Variants in UGT1A8 observed in about 807,000 individuals in gnomAD.
The protein encoded by UGT1A8 is UDP-glucuronosyltransferase 1A8.
Under a neutral mutation model 45.3 loss-of-function variants are expected in UGT1A8, and 39 were observed. The ratio of observed to expected loss-of-function variants is 0.86; its 90% CI spans 0.67 to 1.12. The LOEUF (loss-of-function observed/expected upper bound fraction) is 1.12. Among genes scored for constraint, UGT1A8 ranks in the 50% most tolerant of loss-of-function variants. UGT1A8 has a pLI of 0.00. For synonymous variants in UGT1A8, 275 were observed against 249.2 expected (o/e 1.10, Z -0.97); for missense variants, 719 against 664.9 (o/e 1.08, Z -0.90).
intron 1 of UGT1A8, among the ~76,000 whole-genome samples, chr2:233,765,129 C>T (rs936294408): frequency 1.3e-5 from 2 of 152,146 alleles, no homozygotes; most frequent in African/African-American, 2.4e-5. Flanking sequence ...CAGGTTTTAG[C>T]ACTGAACATC....
intron 1 of UGT1A8, among the ~76,000 whole-genome samples, chr2:233,757,257 G>C (rs1486497078): frequency 6.8e-6 from 1 of 147,916 alleles, no homozygotes; most frequent in Non-Finnish European, 1.5e-5. Flanking sequence ...GGTTATTCAG[G>C]TGGCAGCCGA....
chr2:233,723,051 G>C (rs1327620442), intron 1 of UGT1A8, among the ~76,000 whole-genome samples: 1 of 141,468 alleles, frequency 7.1e-6, no homozygotes, highest in African/African-American at 2.7e-5. Flanking sequence ...GGCACACTCG[G>C]TGTAACTTTA....
intron 1 of UGT1A8, chr2:233,755,162 G>C: frequency 2.3e-6 from 3 of 1,279,936 alleles, no homozygotes; most frequent in Non-Finnish European, 3.2e-6. Context: ...CCCTGTCCTC[G>C]GGGTTTTTGT....
intron 1 of UGT1A8, chr2:233,682,618 C>G (rs1215950110): frequency 2.5e-6 from 4 of 1,613,770 alleles, no homozygotes; most frequent in Non-Finnish European, 3.4e-6. Flanking sequence ...TCAAAAATGT[C>G]TTAGAAATAG....
At position 233,772,370 on chromosome 2, in the gene UGT1A8, G is replaced by A. The variant is rs587784537; in HGVS notation, c.1404G>A (p.Ala468=). The A allele has an allele frequency of 2.5e-6, 4 of 1,614,248 alleles. No homozygotes were observed. The highest frequency in any genetic ancestry group is 1.6e-4 in the Middle Eastern group (1 of 6,062). ...WVEFVMRHKG[A]PHLRPAAHDL... The stretch of plus-strand genomic sequence containing the variant: ...AGTTTGTGATGAGGCACAAGGGCGC[G>A]CCACACCTGCGCCCCGCAGCCCACG... Residue 468 remains alanine, a synonymous_variant, in exon 5 of 5, where the codon GCG becomes GCA. Transcript: ENST00000373450.
intron 1 of UGT1A8, among the ~76,000 whole-genome samples, chr2:233,748,701 G>A (rs1009365045): frequency 6.6e-6 from 1 of 151,652 alleles, no homozygotes; most frequent in Non-Finnish European, 1.5e-5. Context: ...TTCTGGTCAG[G>A]ATTTGGGGTC....
rs547148364 is a variant in UGT1A8 at position 233,757,849 on chromosome 2, T to G, written c.856-9185T>G. 5.3e-5 allele frequency among the ~76,000 whole-genome samples: 8 copies of G among 152,118 alleles called. No individual in the cohort carries two copies. The East Asian group carries it at 1.5e-3, about 29-fold the overall frequency. On this transcript the variant is annotated intron_variant, in intron 1 of 4. Coordinates refer to ENST00000373450, the MANE Select transcript of UGT1A8 (RefSeq NM_019076.5). The stretch of plus-strand genomic sequence containing the variant: ...TGATGGTGGCCTACTAACTTATGTC[T>G]TCAGCTTAAAAAGAAAGTAGCTTCA...
At chr2:233,636,770 T>C (rs1296906229) in intron 1 of UGT1A8, 2 of 1,614,070 alleles carry the variant, frequency 1.2e-6, no homozygotes, top group East Asian at 2.2e-5. Flanking sequence ...TCGTACACTC[T>C]GGAAGATCAG....
At chr2:233,647,275 A>G (rs2073630233) in intron 1 of UGT1A8, among the ~76,000 whole-genome samples, 1 of 152,198 alleles carries the variant, frequency 6.6e-6, no homozygotes, top group South Asian at 2.1e-4. Context: ...AAACCATATC[A>G]TTATTGAATT....
chr2:233,636,607 C>T (rs753907291), intron 1 of UGT1A8: 2 of 1,614,100 alleles, frequency 1.2e-6, no homozygotes, highest in Admixed American at 3.3e-5. Context: ...AGGGAAGCTG[C>T]TGGTAGTGCC....
chr2:233,632,894 A>G lies in UGT1A8; in HGVS notation c.855+14332A>G, dbSNP rs903774611. On this transcript the variant is annotated intron_variant, in intron 1 of 4. Transcript: ENST00000373450. Reference sequence around the variant, plus strand: ...TTGAATAGGAGTGGTGAGAGAGGGCATCCTTATCTTGTGCCAGTTTTCAAA... The same window carrying G: ...TTGAATAGGAGTGGTGAGAGAGGGCGTCCTTATCTTGTGCCAGTTTTCAAA... Among the ~76,000 whole-genome samples, 4 of 152,334 alleles carry G rather than the reference A, an allele frequency of 2.6e-5. No individual in the cohort carries two copies. In the South Asian group the frequency reaches 6.2e-4, roughly 24 times the overall value.
intron 1 of UGT1A8, among the ~76,000 whole-genome samples, chr2:233,694,733 T>G (rs1314036348): frequency 1.3e-5 from 2 of 152,174 alleles, no homozygotes; most frequent in African/African-American, 4.8e-5. Flanking sequence ...TGTTAACAAT[T>G]TGAACAGTTG....
intron 1 of UGT1A8, among the ~76,000 whole-genome samples, chr2:233,647,358 C>T (rs2073632033): frequency 1.3e-5 from 2 of 152,160 alleles, no homozygotes; most frequent in South Asian, 4.1e-4. Flanking sequence ...TATCTTGTCA[C>T]ATCTTTATCT....
rs139555179 is a variant in UGT1A8, at chr2:233,713,053, G to A, written c.856-53981G>A. ...GCCACAGGACTGCTGCTTCTCCTCA[G>A]TGTCCAGCCCTGGGCTGAGAGTGGG... is the stretch of plus-strand genomic sequence containing the variant. On this transcript the variant is annotated intron_variant, in intron 1 of 4. Coordinates refer to ENST00000373450, the MANE Select transcript of UGT1A8 (RefSeq NM_019076.5). 2.5e-6 allele frequency: 4 copies of A among 1,613,988 alleles called. No homozygotes were observed. In the African/African-American group the frequency reaches 5.3e-5, roughly 22 times the overall value.
At chr2:233,665,048 T>C (rs888673661) in intron 1 of UGT1A8, among the ~76,000 whole-genome samples, 1 of 152,244 alleles carries the variant, frequency 6.6e-6, no homozygotes, top group Non-Finnish European at 1.5e-5. Context: ...TTTTCATTTT[T>C]TGAAATTATT....
chr2:233,677,457 A>T (rs1270052108), intron 1 of UGT1A8, among the ~76,000 whole-genome samples: 1 of 152,238 alleles, frequency 6.6e-6, no homozygotes, highest in African/African-American at 2.4e-5. Context: ...AGCCTTGCCA[A>T]TACCATAAAC....
chr2:233,767,131 C>T lies in UGT1A8; in HGVS notation c.953C>T (p.Ala318Val). The change falls in exon 2 of 5, where the codon GCA becomes GTA. Residue 318 changes from alanine to valine, a missense_variant. Coordinates refer to ENST00000373450, the MANE Select transcript of UGT1A8 (RefSeq NM_019076.5). ...VSEIPEKKAM[A>V]IADALGKIPQ... The stretch of plus-strand genomic sequence containing the variant: ...GAAATTCCAGAGAAGAAAGCTATGG[C>T]AATTGCTGATGCTTTGGGCAAAATC... 1 of 1,614,090 alleles carries T rather than the reference C, an allele frequency of 6.2e-7. No individual in the cohort carries two copies. The highest frequency in any genetic ancestry group is 8.5e-7 in the Non-Finnish European group (1 of 1,180,014).
intron 1 of UGT1A8, among the ~76,000 whole-genome samples, chr2:233,670,466 G>A (rs558790772): frequency 1.5e-4 from 23 of 152,336 alleles, no homozygotes; most frequent in Non-Finnish European, 2.6e-4. Context: ...ATTCATGGAA[G>A]GGTTTGTGTT....
At chr2:233,639,893 T>C (rs906908599) in intron 1 of UGT1A8, among the ~76,000 whole-genome samples, 8 of 152,208 alleles carry the variant, frequency 5.3e-5, no homozygotes, top group African/African-American at 1.9e-4. Context: ...CAGCAGAACA[T>C]TGAAATAGTT....
Sources: gnomAD v4.1 joint callset for allele counts (sites outside exome capture counted in the v4.1 genomes callset) on GRCh38, gnomAD v4.1.1 for gene constraint, MANE v1.5 for transcripts, NCBI Gene and HGNC (gene_info 2026-07-23, HGNC 2026-07-21) for gene names.